Variants in CNTNAP2 observed in about 807,000 individuals in gnomAD.
The protein encoded by CNTNAP2 is contactin-associated protein-like 2.
In CNTNAP2, 98 loss-of-function variants were observed where a neutral mutation model predicts 155.2. The observed-to-expected ratio is 0.63, with a 90% CI of 0.54 to 0.75. The LOEUF (loss-of-function observed/expected upper bound fraction) is 0.75. CNTNAP2 is among the 30% of genes least tolerant of loss of function. CNTNAP2 has a pLI of 0.00. For missense variants in CNTNAP2, 1,727 were observed against 1,688.1 expected, an observed-to-expected ratio of 1.02 and a Z score of -0.40; for synonymous variants, 651 against 631.2, an observed-to-expected ratio of 1.03 and a Z score of -0.47.
At chr7:146,438,097 G>A (rs1639444) in intron 1 of CNTNAP2, among the ~76,000 whole-genome samples, 5,629 of 151,282 alleles carry the variant, frequency 0.037, 603 homozygotes, top group African/African-American at 0.13. Context: ...CTATCGAGAC[G>A]TAATCTAGCT....
At chr7:147,837,438 G>T (rs1463782012) in intron 13 of CNTNAP2, among the ~76,000 whole-genome samples, 1 of 152,046 alleles carries the variant, frequency 6.6e-6, no homozygotes, top group Non-Finnish European at 1.5e-5. Context: ...TTGAGATTTG[G>T]GTGGGGACAC....
At chr7:147,521,823 G>T (rs1799234059) in intron 11 of CNTNAP2, among the ~76,000 whole-genome samples, 1 of 152,102 alleles carries the variant, frequency 6.6e-6, no homozygotes, top group Admixed American at 6.5e-5. Flanking sequence ...GCTTATCTGT[G>T]AAACATAATG....
At chr7:146,874,134 A>G (rs1415325509) in intron 3 of CNTNAP2, among the ~76,000 whole-genome samples, 3 of 152,012 alleles carry the variant, frequency 2.0e-5, no homozygotes, top group African/African-American at 7.2e-5. Context: ...AGGAAATATC[A>G]AGTCTGACGT....
At chr7:146,532,816 G>A (rs918847010) in intron 1 of CNTNAP2, among the ~76,000 whole-genome samples, 3 of 152,034 alleles carry the variant, frequency 2.0e-5, no homozygotes, top group Non-Finnish European at 4.4e-5. Context: ...CAGGCGTGGT[G>A]GATCAGGCCT....
At chr7:146,278,263 T>C (rs1171522017) in intron 1 of CNTNAP2, among the ~76,000 whole-genome samples, 1 of 152,184 alleles carries the variant, frequency 6.6e-6, no homozygotes, top group Non-Finnish European at 1.5e-5. Context: ...ATTTCCTGCA[T>C]TTCTTCTTCC....
intron 13 of CNTNAP2, among the ~76,000 whole-genome samples, chr7:147,680,157 C>T (rs187103064): frequency 6.6e-6 from 1 of 151,944 alleles, no homozygotes; most frequent in East Asian, 1.9e-4. Flanking sequence ...AAAATGTGCA[C>T]ACAGGTTCAG....
intron 12 of CNTNAP2, among the ~76,000 whole-genome samples, chr7:147,619,409 T>C (rs1801351568): frequency 6.6e-6 from 1 of 152,214 alleles, no homozygotes; most frequent in Non-Finnish European, 1.5e-5. Context: ...TGAAAAATTG[T>C]TCATATCCAT....
intron 3 of CNTNAP2, among the ~76,000 whole-genome samples, chr7:146,873,762 C>T (rs1795364562): frequency 6.6e-6 from 1 of 152,076 alleles, no homozygotes; most frequent in African/African-American, 2.4e-5. Context: ...ATAATGATTA[C>T]AATTTGAGGG....
intron 10 of CNTNAP2, among the ~76,000 whole-genome samples, chr7:147,435,411 C>A (rs961036234): frequency 1.3e-5 from 2 of 152,120 alleles, no homozygotes; most frequent in Admixed American, 6.5e-5. Context: ...GAATTTTCCC[C>A]GTCTTACATA....
intron 8 of CNTNAP2, among the ~76,000 whole-genome samples, chr7:147,208,933 T>C: frequency 6.6e-6 from 1 of 151,974 alleles, no homozygotes; most frequent in Non-Finnish European, 1.5e-5. Context: ...TCATTGCAAA[T>C]TGCATAGTGC....
intron 1 of CNTNAP2, among the ~76,000 whole-genome samples, chr7:146,181,215 C>A (rs1434166688): frequency 6.6e-6 from 1 of 152,116 alleles, no homozygotes; most frequent in Non-Finnish European, 1.5e-5. Flanking sequence ...GCATGATTCA[C>A]TTTCATTATT....
Position 148,365,772 on chromosome 7 carries a change from A to G in CNTNAP2, c.3476-17877A>G, listed in dbSNP as rs1485363791. Among the ~76,000 whole-genome samples, 187 of 83,360 alleles carry G rather than the reference A, an allele frequency of 2.2e-3. 40 individuals carry two copies. Among genetic ancestry groups the G allele is most frequent in the African/African-American group, 9.0e-3 (178 of 19,696 alleles). The allele number at this position is 83,360 out of a possible 152,430, so 54.7% of individuals were successfully genotyped here. ...TATACATGTATGTGTATACGTGTAT[A>G]CATGTATGTGTATGCATGTATACAT... On this transcript the variant is annotated intron_variant, in intron 21 of 23. Transcript: ENST00000361727.
intron 15 of CNTNAP2, among the ~76,000 whole-genome samples, chr7:147,987,790 G>A (rs1322711734): frequency 1.3e-5 from 2 of 152,128 alleles, no homozygotes; most frequent in Non-Finnish European, 2.9e-5. Flanking sequence ...TGCCTCCCAG[G>A]TTCAAGTGAT....
At chr7:146,426,212 T>TAAAAAAAAAAAAAAA (rs1554431713) in intron 1 of CNTNAP2, among the ~76,000 whole-genome samples, 37 of 113,254 alleles carry the variant, frequency 3.3e-4, no homozygotes, top group African/African-American at 1.1e-3. Flanking sequence ...AAAAAAAAAT[T>TAAAAAAAAAAAAAAA]AAAACTTAAG....
Position 146,839,931 on chromosome 7 carries a change from C to G in CNTNAP2, c.402+27C>G, listed in dbSNP as rs562071350. The G allele has an allele frequency of 2.0e-4, 315 of 1,611,110 alleles. 2 individuals carry two copies. The South Asian group carries it at 3.3e-3, about 17-fold the overall frequency. ...TAAGTCATTGGCAGGAAAGCAAAGA[C>G]ACAGAATTGGATTGGAAATATTAGA... On this transcript the variant is annotated intron_variant, in intron 3 of 23. Transcript: ENST00000361727.
chr7:147,341,373 C>A (rs1484941466), intron 9 of CNTNAP2, among the ~76,000 whole-genome samples: 1 of 151,704 alleles, frequency 6.6e-6, no homozygotes, highest in Non-Finnish European at 1.5e-5. Flanking sequence ...ACCAACATGG[C>A]ATGTGCATAT....
intron 10 of CNTNAP2, among the ~76,000 whole-genome samples, chr7:147,445,089 C>T (rs980893255): frequency 6.6e-6 from 1 of 152,144 alleles, no homozygotes; most frequent in Non-Finnish European, 1.5e-5. Flanking sequence ...TCACCTCCCA[C>T]CACATCCCTC....
At position 147,395,658 on chromosome 7, in the gene CNTNAP2, A is replaced by C. The variant is rs2116453922; in HGVS notation, c.1548A>C (p.Ser516=). The stretch of plus-strand genomic sequence containing the variant: ...CAAGTCACTCTGTCCTTCAGCCTTC[A>C]TTCCAAGGATGCATGCAGCTCATTC... The part of the protein sequence containing the change: ...NNSSHSVLQP[S]FQGCMQLIQV... The change falls in exon 10 of 24, where the codon TCA becomes TCC. Residue 516 remains serine, a synonymous_variant. Coordinates refer to ENST00000361727, the MANE Select transcript of CNTNAP2 (RefSeq NM_014141.6). 6.2e-7 allele frequency: 1 copy of C among 1,612,598 alleles called. No homozygotes were observed. Among genetic ancestry groups the C allele is most frequent in the Non-Finnish European group, 8.5e-7 (1 of 1,178,828 alleles).
chr7:148,155,218 T>C (rs1805376171), intron 17 of CNTNAP2, among the ~76,000 whole-genome samples: 2 of 152,190 alleles, frequency 1.3e-5, no homozygotes, highest in Admixed American at 6.5e-5. Flanking sequence ...TGGGATTTGG[T>C]TCCAGACAGT....
Sources: allele counts gnomAD v4.1 joint callset (sites outside exome capture counted in the v4.1 genomes callset), GRCh38; gene constraint gnomAD v4.1.1; transcripts MANE v1.5; gene names NCBI Gene and HGNC (gene_info 2026-07-23, HGNC 2026-07-21).